DEFB110: variants seen among roughly 807,000 people sequenced by gnomAD.
DEFB110 encodes the protein defensin beta 110, also known as beta-defensin 110.
Under a neutral mutation model 2.5 loss-of-function variants are expected in DEFB110, and 4 were observed. The ratio of observed to expected loss-of-function variants is 1.60; its 90% CI spans 0.79 to 3.66. DEFB110 has a LOEUF of 3.66. Among genes scored for constraint, DEFB110 ranks in the 30% most tolerant of loss-of-function variants. The probability of loss-of-function intolerance (pLI) is 0.01; values close to 1 mark genes in which losing one functional copy is unlikely to be tolerated. For missense variants in DEFB110, 94 were observed against 75.4 expected, an observed-to-expected ratio of 1.25 and a Z score of -0.91; for synonymous variants, 29 against 21.8, an observed-to-expected ratio of 1.33 and a Z score of -0.92.
downstream of DEFB110, among the ~76,000 whole-genome samples, chr6:50,015,554 C>T (rs1233750045): frequency 6.6e-6 from 1 of 151,816 alleles, no homozygotes; most frequent in Admixed American, 6.6e-5. Context: ...CAATAGGGCT[C>T]TATGACAAAT....
chr6:50,016,150 T>A (rs1010398129), downstream of DEFB110, among the ~76,000 whole-genome samples: 5 of 151,842 alleles, frequency 3.3e-5, no homozygotes, highest in African/African-American at 7.2e-5. Flanking sequence ...TAAATACTGA[T>A]ATAGGTTGGG....
In DEFB110 at chr6:50,018,869, T is replaced by C; in HGVS notation, c.*108A>G. The C allele has an allele frequency of 6.9e-7, 1 of 1,441,234 alleles. No homozygotes were observed. Among genetic ancestry groups the C allele is most frequent in the Non-Finnish European group, 9.1e-7 (1 of 1,102,864 alleles). 89.3% of individuals were successfully genotyped at this position (1,441,234 alleles called of 1,614,324 possible). On this transcript the variant is annotated 3_prime_UTR_variant, in exon 2 of 2. Transcript: ENST00000371148. ...GAATGGTTCAACATTAATTTTTATT[T>C]AGTTCTTGTGTATTATAGAGACACA...
At position 50,019,050 on chromosome 6, in the gene DEFB110, T is replaced by C; in HGVS notation, c.131A>G (p.Asn44Ser). ...CCTAATTTCATTTTCATGACACTGA[T>C]TTTTACATTGACCATTACCTATTCT... ...ECRIGNGQCK[N>S]QCHENEIRIA... is the part of the protein sequence containing the mutation. The change falls in exon 2 of 2, where the codon AAT becomes AGT. Residue 44 changes from asparagine (N) to serine (S), a missense_variant. Coordinates refer to ENST00000371148, the MANE Select transcript of DEFB110 (RefSeq NM_001037497.2). The C allele has an allele frequency of 6.2e-7, 1 of 1,613,232 alleles. No homozygotes were observed. Among genetic ancestry groups the C allele is most frequent in the Non-Finnish European group, 8.5e-7 (1 of 1,179,430 alleles).
chr6:50,013,608 T>G (rs965160845), intron 1 of DEFB110, among the ~76,000 whole-genome samples: 2 of 151,804 alleles, frequency 1.3e-5, no homozygotes, highest in Non-Finnish European at 2.9e-5. Flanking sequence ...TCAAAGTTTA[T>G]TAAAACAGTC....
In DEFB110 at chr6:50,009,161, AT is replaced by A; in HGVS notation, c.165del (p.Lys55AsnfsTer?). The A allele has an allele frequency of 6.2e-7, 1 of 1,610,854 alleles. No homozygotes were observed. Among genetic ancestry groups the A allele is most frequent in the Non-Finnish European group, 8.5e-7 (1 of 1,179,342 alleles). On this transcript the variant is annotated frameshift_variant, in exon 2 of 2. Transcript: ENST00000393660. LOFTEE classifies it high-confidence loss of function. ...GTTTATACGCAGCACTGACTTCTCCATTTAATGCAGTATCCATAATCATACT... is the reference window on the plus strand; with the variant it reads ...GTTTATACGCAGCACTGACTTCTCCATTAATGCAGTATCCATAATCATACT...
chr6:50,015,101 A>T (rs979786281), downstream of DEFB110, among the ~76,000 whole-genome samples: 1 of 151,808 alleles, frequency 6.6e-6, no homozygotes, highest in African/African-American at 2.4e-5. Flanking sequence ...TTGCTCAGAC[A>T]AGAAATCTTG....
intron 1 of DEFB110, 138 bp from the exon 2 acceptor site, chr6:50,019,263 A>G: frequency 1.1e-6 from 1 of 872,186 alleles, no homozygotes; most frequent in Non-Finnish European, 1.7e-6. Flanking sequence ...AAGTGAATTT[A>G]CTGTCCCTTG....
chr6:50,014,332 T>C (rs892523986), downstream of DEFB110, among the ~76,000 whole-genome samples: 1 of 151,750 alleles, frequency 6.6e-6, no homozygotes, highest in Non-Finnish European at 1.5e-5. Flanking sequence ...GTGGAGACTA[T>C]GGATCTAAGA....
At chr6:50,013,813 G>A (rs1774270789) in intron 1 of DEFB110, among the ~76,000 whole-genome samples, 1 of 151,888 alleles carries the variant, frequency 6.6e-6, no homozygotes, top group East Asian at 1.9e-4. Context: ...GACTGATTAC[G>A]AAATGACAAT....
chr6:50,015,230 A>G (rs1774297055), downstream of DEFB110, among the ~76,000 whole-genome samples: 1 of 151,786 alleles, frequency 6.6e-6, no homozygotes, highest in Admixed American at 6.6e-5. Context: ...TTGTATTATT[A>G]TGGACTTAGC....
At chr6:50,021,779 T>A in intron 1 of DEFB110, 102 bp downstream of exon 1, 2 of 1,086,606 alleles carry the variant, frequency 1.8e-6, no homozygotes, top group Non-Finnish European at 2.6e-6. Flanking sequence ...TTTTGTGAAA[T>A]GATGTTTTAA....
At chr6:50,010,524 A>T (rs1025575874) in intron 1 of DEFB110, among the ~76,000 whole-genome samples, 42 of 147,248 alleles carry the variant, frequency 2.9e-4, no homozygotes, top group Admixed American at 1.7e-3. Flanking sequence ...TTAACATGTT[A>T]ATATATATAT....
chr6:50,011,747 A>G (rs531886342), intron 1 of DEFB110, among the ~76,000 whole-genome samples: 5 of 152,178 alleles, frequency 3.3e-5, no homozygotes, highest in African/African-American at 1.2e-4. Context: ...GCTCCTGGAA[A>G]TGTCATCCAT....
chr6:50,010,969 A>G (rs1264602329), intron 1 of DEFB110, among the ~76,000 whole-genome samples: 1 of 151,396 alleles, frequency 6.6e-6, no homozygotes, highest in Non-Finnish European at 1.5e-5. Context: ...TATTTTAAAG[A>G]ATAAGAATGT....
downstream of DEFB110, among the ~76,000 whole-genome samples, chr6:50,016,343 C>G (rs1277518216): frequency 6.6e-6 from 1 of 151,652 alleles, no homozygotes; most frequent in Non-Finnish European, 1.5e-5. Context: ...AGTCACTGCT[C>G]AAGACTCACA....
chr6:50,015,142 G>A (rs896170080), downstream of DEFB110, among the ~76,000 whole-genome samples: 5 of 151,664 alleles, frequency 3.3e-5, no homozygotes, highest in Admixed American at 1.3e-4. Flanking sequence ...GTCTGCCATA[G>A]CCAAAATTTA....
At chr6:50,013,227 G>A (rs890904761) in intron 1 of DEFB110, among the ~76,000 whole-genome samples, 1 of 151,838 alleles carries the variant, frequency 6.6e-6, no homozygotes, top group Non-Finnish European at 1.5e-5. Context: ...GGACTCAAAA[G>A]CAATATATAT....
chr6:50,018,742 G>T, downstream of DEFB110: 1 of 1,102,680 alleles, frequency 9.1e-7, no homozygotes, highest in South Asian at 3.9e-5. Flanking sequence ...GAAAACTTGA[G>T]GAACTTGCAT....
intron 1 of DEFB110, 103 bp downstream of exon 1, chr6:50,021,778 A>G (rs1582370685): frequency 1.9e-6 from 2 of 1,078,748 alleles, no homozygotes; most frequent in African/African-American, 3.4e-5. Context: ...TTTTTGTGAA[A>G]TGATGTTTTA....
Sources: allele counts gnomAD v4.1 joint callset (sites outside exome capture counted in the v4.1 genomes callset), GRCh38; gene constraint gnomAD v4.1.1; transcripts MANE v1.5; gene names NCBI Gene and HGNC (gene_info 2026-07-23, HGNC 2026-07-21).